The following ANKDD1A variants were observed in gnomAD, a reference collection of about 807,000 sequenced individuals.
ANKDD1A encodes the protein ankyrin repeat and death domain-containing protein 1A.
A neutral mutation model predicts 63.5 loss-of-function variants in ANKDD1A; 59 were observed. The ratio of observed to expected loss-of-function variants is 0.93; its 90% CI spans 0.75 to 1.15. The LOEUF (loss-of-function observed/expected upper bound fraction) is 1.15. Ranked by LOEUF, ANKDD1A falls within the 50% of genes most tolerant of loss-of-function variation. ANKDD1A has a pLI of 0.00. For synonymous variants in ANKDD1A, 266 were observed against 263.9 expected (o/e 1.01, Z -0.08); for missense variants, 632 against 656.4 (o/e 0.96, Z 0.41).
At chr15:64,953,485 C>CAG (rs2085341897) in intron 14 of ANKDD1A, among the ~76,000 whole-genome samples, 1 of 34,450 alleles carries the variant, frequency 2.9e-5, no homozygotes, top group Non-Finnish European at 8.0e-5. Flanking sequence ...CTTCCTTCTC[C>CAG]TTCTTCTTTA....
intron 14 of ANKDD1A, among the ~76,000 whole-genome samples, chr15:64,951,699 C>CTATTCTTTTCTTTTTCTTCG: frequency 1.3e-4 from 1 of 7,578 alleles, no homozygotes; most frequent in African/African-American, 2.4e-4. Context: ...TCCTCTTCTT[C>CTATTCTTTTCTTTTTCTTCG]TTCCTTATTT....
At chr15:64,953,884 TTC>T (rs2085364617) in intron 14 of ANKDD1A, among the ~76,000 whole-genome samples, 1 of 141,280 alleles carries the variant, frequency 7.1e-6, no homozygotes, top group South Asian at 2.3e-4. Flanking sequence ...TCATTCTTTC[TTC>T]TTCCTCTTTT....
At chr15:64,932,979 C>T (rs535993218) in intron 8 of ANKDD1A, among the ~76,000 whole-genome samples, 32 of 149,230 alleles carry the variant, frequency 2.1e-4, no homozygotes, top group African/African-American at 7.1e-4. Context: ...GGGAAGGTTG[C>T]ACCCAGCTGG....
At chr15:64,938,901 C>T (rs1357138951) in intron 9 of ANKDD1A, among the ~76,000 whole-genome samples, 6 of 149,548 alleles carry the variant, frequency 4.0e-5, no homozygotes, top group Admixed American at 2.0e-4. Context: ...GCCGAGATCG[C>T]GCCACTGCAC....
chr15:64,942,611 A>G (rs1212872508), intron 10 of ANKDD1A, 46 bp downstream of exon 10: 2 of 1,524,172 alleles, frequency 1.3e-6, no homozygotes, highest in Admixed American at 1.8e-5. Flanking sequence ...GCTTCTGGAA[A>G]CCCTCCCAGG....
chr15:64,954,436 GTCTTCTCCTTCTTCTTCTTCCC>G (rs1185783046), intron 14 of ANKDD1A, among the ~76,000 whole-genome samples: 8 of 143,068 alleles, frequency 5.6e-5, no homozygotes, highest in African/African-American at 2.1e-4. Context: ...TTCGTTCGTC[GTCTTCTCCTTCTTCTTCTTCCC>G]TCTTCTCCTT....
chr15:64,943,049 C>T (rs2085196618), intron 10 of ANKDD1A, among the ~76,000 whole-genome samples: 3 of 152,212 alleles, frequency 2.0e-5, no homozygotes, highest in Non-Finnish European at 4.4e-5. Flanking sequence ...CAGAATATGT[C>T]ATATACCTTT....
chr15:64,953,620 T>TCTC (rs2085350808), intron 14 of ANKDD1A, among the ~76,000 whole-genome samples: 351 of 25,600 alleles, frequency 0.014, 4 homozygotes, highest in Non-Finnish European at 0.04. Context: ...CTCTCCTTCT[T>TCTC]CTTCTTCTTC....
intron 9 of ANKDD1A, among the ~76,000 whole-genome samples, 155 bp downstream of exon 9, chr15:64,934,389 T>C (rs2085111400): frequency 6.6e-6 from 1 of 152,048 alleles, no homozygotes; most frequent in African/African-American, 2.4e-5. Flanking sequence ...AGTGAAATAC[T>C]GTTGTAGCTG....
chr15:64,950,492 T>C, intron 14 of ANKDD1A: 1 of 985,444 alleles, frequency 1.0e-6, no homozygotes, highest in Non-Finnish European at 1.2e-6. Flanking sequence ...TAGAAGGTTC[T>C]AGTACTAATC....
At chr15:64,917,619 A>G (rs2056496) in intron 3 of ANKDD1A, 105 bp downstream of exon 3, 657,838 of 1,462,596 alleles carry the variant, frequency 0.45, 152,073 homozygotes, top group South Asian at 0.69. Context: ...GCAGACATTC[A>G]GGTGCAGAGT....
chr15:64,918,608 T>C (rs2084986900), intron 3 of ANKDD1A, among the ~76,000 whole-genome samples: 1 of 152,050 alleles, frequency 6.6e-6, no homozygotes, highest in African/African-American at 2.4e-5. Context: ...TTCAGGGGTT[T>C]AGTGAGAAAA....
Position 64,942,588 on chromosome 15 carries a change from C to T in ANKDD1A, c.966+23C>T, listed in dbSNP as rs760960881. The T allele has an allele frequency of 1.1e-5, 18 of 1,597,670 alleles. No individual in the cohort carries two copies. The Middle Eastern group carries it at 1.0e-3, about 88-fold the overall frequency. On this transcript the variant is annotated intron_variant, in intron 10 of 14. Coordinates refer to ENST00000319580, the MANE Select transcript of ANKDD1A (RefSeq NM_182703.6). ...AATGTAAGTGGCTACAGAGACCTTCCGGGCCCCAGGGAGCTTCTGGAAACC... is the reference window on the plus strand; with the variant it reads ...AATGTAAGTGGCTACAGAGACCTTCTGGGCCCCAGGGAGCTTCTGGAAACC...
intron 9 of ANKDD1A, among the ~76,000 whole-genome samples, chr15:64,936,014 G>A (rs992289875): frequency 6.6e-6 from 1 of 152,076 alleles, no homozygotes; most frequent in Admixed American, 6.6e-5. Flanking sequence ...TGGGCAAGCT[G>A]CTTTGACCTA....
chr15:64,912,281 G>A (rs1480820697), intron 1 of ANKDD1A, among the ~76,000 whole-genome samples: 4 of 152,208 alleles, frequency 2.6e-5, no homozygotes, highest in African/African-American at 9.7e-5. Flanking sequence ...CCCAGGAGAG[G>A]CACGTCATTT....
chr15:64,935,153 A>G (rs1160717217), intron 9 of ANKDD1A, among the ~76,000 whole-genome samples: 2 of 150,560 alleles, frequency 1.3e-5, no homozygotes, highest in Non-Finnish European at 3.0e-5. Flanking sequence ...GCTTGAGCCC[A>G]GGAAGTTGAG....
At chr15:64,945,776 G>T (rs180781678) in intron 12 of ANKDD1A, among the ~76,000 whole-genome samples, 1 of 151,174 alleles carries the variant, frequency 6.6e-6, no homozygotes, top group Non-Finnish European at 1.5e-5. Flanking sequence ...GGGACTACAG[G>T]TGTGTGCCAC....
chr15:64,929,853 A>T (rs1397855367), intron 6 of ANKDD1A, among the ~76,000 whole-genome samples: 1 of 152,220 alleles, frequency 6.6e-6, no homozygotes. Context: ...CCAAATGCCC[A>T]TCAATGATAG....
At chr15:64,915,645 A>G in intron 1 of ANKDD1A, 152 bp from the exon 2 acceptor site, 1 of 599,646 alleles carries the variant, frequency 1.7e-6, no homozygotes, top group Non-Finnish European at 3.0e-6. Flanking sequence ...CCTGACCTTG[A>G]GAGGGAGGAG....
Sources: allele counts gnomAD v4.1 joint callset (sites outside exome capture counted in the v4.1 genomes callset), GRCh38; gene constraint gnomAD v4.1.1; transcripts MANE v1.5; gene names NCBI Gene and HGNC (gene_info 2026-07-23, HGNC 2026-07-21).